Variants in SLC1A2 observed in about 807,000 individuals in gnomAD.
SLC1A2 encodes excitatory amino acid transporter 2.
SLC1A2 carries 15 observed loss-of-function variants against 48.8 expected under a neutral mutation model. The ratio of observed to expected loss-of-function variants is 0.31; its 90% CI spans 0.21 to 0.47. The LOEUF (loss-of-function observed/expected upper bound fraction) is 0.47, where lower values mean the gene tolerates loss of function less well. SLC1A2 is among the 20% of genes least tolerant of loss of function. The probability of loss-of-function intolerance (pLI) is 0.99; values close to 1 mark genes in which losing one functional copy is unlikely to be tolerated. For synonymous variants in SLC1A2, 279 were observed against 272.6 expected (o/e 1.02, Z -0.23); for missense variants, 502 against 730.5 (o/e 0.69, Z 3.61).
chr11:35,388,329 G>T (rs1263735844), intron 1 of SLC1A2, among the ~76,000 whole-genome samples: 1 of 152,146 alleles, frequency 6.6e-6, no homozygotes, highest in Non-Finnish European at 1.5e-5. Context: ...ATCTTTTACG[G>T]CACTACATAC....
At chr11:35,359,743 A>C (rs1028392990) in intron 1 of SLC1A2, among the ~76,000 whole-genome samples, 1 of 152,254 alleles carries the variant, frequency 6.6e-6, no homozygotes, top group Non-Finnish European at 1.5e-5. Context: ...CAGCATCCTA[A>C]GATGTTTCAG....
intron 1 of SLC1A2, among the ~76,000 whole-genome samples, chr11:35,345,902 T>G (rs2135057176): frequency 6.6e-6 from 1 of 152,356 alleles, no homozygotes; most frequent in East Asian, 1.9e-4. Context: ...ACTCATTTTC[T>G]TAGTTAAACC....
At chr11:35,336,281 G>T (rs954879985) in intron 1 of SLC1A2, among the ~76,000 whole-genome samples, 2 of 152,100 alleles carry the variant, frequency 1.3e-5, no homozygotes, top group African/African-American at 4.8e-5. Flanking sequence ...GTTTACCTAT[G>T]TAACAAACCT....
At chr11:35,308,196 C>T (rs186451497) in intron 4 of SLC1A2, among the ~76,000 whole-genome samples, 49 of 152,334 alleles carry the variant, frequency 3.2e-4, no homozygotes, top group Non-Finnish European at 5.9e-4. Flanking sequence ...ACATCCATTA[C>T]GTCTTAGGTC....
chr11:35,336,084 C>T (rs1459307080), intron 1 of SLC1A2, among the ~76,000 whole-genome samples: 5 of 142,902 alleles, frequency 3.5e-5, no homozygotes, highest in African/African-American at 1.3e-4. Flanking sequence ...CCAAACACCA[C>T]ATGTTTTCAC....
Position 35,260,436 on chromosome 11 carries a change from G to A in SLC1A2, c.*458C>T, listed in dbSNP as rs1424536913. ...ATTTTAAGGGGAGTTACTTCTAGAG[G>A]CTTTTAATAGAATCTCTTGTGCATA... On this transcript the variant is annotated 3_prime_UTR_variant, in exon 11 of 11. Transcript: ENST00000278379. 6.4e-6 allele frequency: 1 copy of A among 157,342 alleles called. No homozygotes were observed. The highest frequency in any genetic ancestry group is 2.4e-5 in the African/African-American group (1 of 41,476). The allele number at this position is 157,342 out of a possible 1,614,324, so 9.7% of individuals were successfully genotyped here. A position where few individuals can be genotyped will look rare whatever the true frequency, so the allele number is the denominator to read the frequency against.
intron 8 of SLC1A2, 120 bp from the exon 9 acceptor site, chr11:35,281,121 A>G (rs2236273): frequency 0.6 from 810,435 of 1,350,298 alleles, 244,683 homozygotes; most frequent in East Asian, 0.67. Flanking sequence ...CCCCCACCCC[A>G]TACTCTCCAC....
intron 9 of SLC1A2, among the ~76,000 whole-genome samples, chr11:35,276,446 C>CT (rs201743384): frequency 1.3e-4 from 19 of 147,914 alleles, no homozygotes; most frequent in Admixed American, 1.4e-4. Flanking sequence ...ATGTATCATC[C>CT]TTTTTAAAAA....
intron 5 of SLC1A2, among the ~76,000 whole-genome samples, chr11:35,305,684 C>T (rs932381326): frequency 1.3e-5 from 2 of 152,216 alleles, no homozygotes; most frequent in Non-Finnish European, 2.9e-5. Context: ...AGCCCCCGCA[C>T]CTAGCACAGC....
intron 1 of SLC1A2, among the ~76,000 whole-genome samples, chr11:35,338,417 C>A (rs1326090490): frequency 6.6e-6 from 1 of 152,160 alleles, no homozygotes; most frequent in Non-Finnish European, 1.5e-5. Flanking sequence ...TTGGATGGAA[C>A]TGACCCATGC....
chr11:35,269,349 CA>C (rs1350667629), intron 9 of SLC1A2, among the ~76,000 whole-genome samples: 1 of 152,334 alleles, frequency 6.6e-6, no homozygotes, highest in East Asian at 1.9e-4. Context: ...GACACTTTCT[CA>C]ACCATAATTT....
At chr11:35,288,093 G>A (rs1222746538) in intron 7 of SLC1A2, among the ~76,000 whole-genome samples, 1 of 152,174 alleles carries the variant, frequency 6.6e-6, no homozygotes, top group Admixed American at 6.5e-5. Context: ...AAGAGTGGGA[G>A]AAGACCATCT....
In SLC1A2 at chr11:35,265,507, T is replaced by C; in HGVS notation, c.1653+20A>G. 2 of 1,270,248 alleles carry C rather than the reference T, an allele frequency of 1.6e-6. No homozygotes were observed. Among genetic ancestry groups the C allele is most frequent in the Non-Finnish European group, 2.3e-6 (2 of 866,796 alleles). 78.7% of individuals were successfully genotyped at this position (1,270,248 alleles called of 1,614,324 possible). On this transcript the variant is annotated intron_variant, in intron 10 of 10. Coordinates refer to ENST00000278379, the MANE Select transcript of SLC1A2 (RefSeq NM_004171.4). The stretch of plus-strand genomic sequence containing the variant: ...GCACTACTATATACAAGTCTCGATA[T>C]CCATGAATGGGAAATGTACCTTGCA...
intron 5 of SLC1A2, among the ~76,000 whole-genome samples, chr11:35,305,582 G>A (rs956025422): frequency 6.6e-6 from 1 of 152,112 alleles, no homozygotes; most frequent in African/African-American, 2.4e-5. Context: ...AAGATAACAA[G>A]ATAATCTGTA....
chr11:35,419,994 G>A (rs930934055), upstream of SLC1A2: 6 of 465,852 alleles, frequency 1.3e-5, no homozygotes, highest in Admixed American at 1.2e-4. The surrounding 1 kb of genome is among the most constrained non-coding windows in gnomAD (Gnocchi z 5.4). Flanking sequence ...TGAAACACGC[G>A]GGTGGTGCAG....
chr11:35,359,508 AGCCCAAGG>A (rs1456504140), intron 1 of SLC1A2, among the ~76,000 whole-genome samples: 1 of 152,228 alleles, frequency 6.6e-6, no homozygotes, highest in Non-Finnish European at 1.5e-5. Context: ...TTGGCTCAGG[AGCCCAAGG>A]TCACTGTTTG....
At chr11:35,393,856 T>C (rs1298985521) in intron 1 of SLC1A2, among the ~76,000 whole-genome samples, 4 of 152,142 alleles carry the variant, frequency 2.6e-5, no homozygotes, top group Non-Finnish European at 5.9e-5. Flanking sequence ...TGGGAGAGAA[T>C]AGAGACTCCC....
chr11:35,322,445 CTT>C (rs1852103237), intron 1 of SLC1A2: 1 of 650,910 alleles, frequency 1.5e-6, no homozygotes, highest in African/African-American at 1.8e-5. Context: ...GCACCAAACT[CTT>C]TTTTCCACCT....
chr11:35,334,894 CA>C (rs1196978368), intron 1 of SLC1A2, among the ~76,000 whole-genome samples: 1 of 151,528 alleles, frequency 6.6e-6, no homozygotes, highest in Non-Finnish European at 1.5e-5. Context: ...TTAAGACAGA[CA>C]TTTTGTACAA....
Sources: allele counts gnomAD v4.1 joint callset (sites outside exome capture counted in the v4.1 genomes callset), GRCh38; gene constraint gnomAD v4.1.1; non-coding constraint Gnocchi (gnomAD v3.1); transcripts MANE v1.5; gene names NCBI Gene and HGNC (gene_info 2026-07-23, HGNC 2026-07-21).